Variants in SYT2 observed in about 807,000 individuals in gnomAD.
SYT2 encodes the protein synaptotagmin 2, also known as synaptotagmin-2.
In SYT2, 15 loss-of-function variants were observed where a neutral mutation model predicts 39.9. The observed-to-expected ratio is 0.38, with a 90% CI of 0.25 to 0.58. The LOEUF is 0.58. SYT2 is among the 20% of genes least tolerant of loss of function. The pLI is 0.70. For missense variants in SYT2, 389 were observed against 530.3 expected (o/e 0.73, Z 2.62); for synonymous variants, 181 against 204.5 (o/e 0.89, Z 0.98).
At chr1:202,640,801 A>G (rs1691895579) in intron 1 of SYT2, among the ~76,000 whole-genome samples, 3 of 149,854 alleles carry the variant, frequency 2.0e-5, no homozygotes, top group Non-Finnish European at 4.4e-5. Context: ...AGACAGACAG[A>G]CAGAGAGACA....
rs1268234532 is a variant in SYT2, at chr1:202,599,197, A to G, written c.1053+21T>C. On this transcript the variant is annotated intron_variant, in intron 8 of 8. Transcript: ENST00000367268. This position sits in a 1 kb window ranked among gnomAD's most constrained non-coding sequence, Gnocchi z 4.4. ...CCTCCCCAAACCCTGCTCCATGCCT[A>G]GGAACCCAGGGCTCCAGCACCTGAA... 1 of 1,611,906 alleles carries G rather than the reference A, an allele frequency of 6.2e-7. No individual in the cohort carries two copies. Among genetic ancestry groups the G allele is most frequent in the African/African-American group, 1.3e-5 (1 of 74,774 alleles).
At chr1:202,657,343 C>T (rs183447448) in intron 1 of SYT2, among the ~76,000 whole-genome samples, 1 of 152,218 alleles carries the variant, frequency 6.6e-6, no homozygotes, top group African/African-American at 2.4e-5. Flanking sequence ...CCAAAGTGGG[C>T]CTCTTTCTCC....
At chr1:202,670,875 T>C (rs745674339) in intron 1 of SYT2, among the ~76,000 whole-genome samples, 2 of 152,238 alleles carry the variant, frequency 1.3e-5, no homozygotes, top group African/African-American at 2.4e-5. Flanking sequence ...GTATCATTGA[T>C]AAAACAAGGA....
At chr1:202,637,676 A>G (rs1257115232) in intron 1 of SYT2, among the ~76,000 whole-genome samples, 2 of 152,266 alleles carry the variant, frequency 1.3e-5, no homozygotes, top group Admixed American at 6.5e-5. Context: ...TAGGTGCTGC[A>G]GTATCTCTCC....
intron 7 of SYT2, among the ~76,000 whole-genome samples, chr1:202,600,079 T>C (rs1690445184): frequency 6.6e-6 from 1 of 152,224 alleles, no homozygotes; most frequent in East Asian, 1.9e-4. Context: ...AGTAAAATCC[T>C]AAGTCACAAA....
At chr1:202,634,175 A>C (rs1325843188) in intron 1 of SYT2, among the ~76,000 whole-genome samples, 2 of 152,278 alleles carry the variant, frequency 1.3e-5, no homozygotes, top group Non-Finnish European at 2.9e-5. Flanking sequence ...GAGACTATCC[A>C]TATGAAATAC....
At chr1:202,690,614 CACA>C (rs1653795938) in intron 1 of SYT2, among the ~76,000 whole-genome samples, 1 of 152,196 alleles carries the variant, frequency 6.6e-6, no homozygotes, top group Non-Finnish European at 1.5e-5. Context: ...ACAAGGTGGT[CACA>C]TCTCCTGCGG....
chr1:202,705,958 G>C (rs769028818), intron 1 of SYT2, among the ~76,000 whole-genome samples: 1 of 152,038 alleles, frequency 6.6e-6, no homozygotes, highest in Non-Finnish European at 1.5e-5. Flanking sequence ...CTCCCAAAGC[G>C]CTGGGATTAC....
chr1:202,659,689 G>A (rs1692343477), intron 1 of SYT2, among the ~76,000 whole-genome samples: 1 of 152,200 alleles, frequency 6.6e-6, no homozygotes, highest in Admixed American at 6.5e-5. Context: ...TGGAGGGGCT[G>A]CGAGAGCCCC....
chr1:202,626,965 C>A (rs1038758421), intron 1 of SYT2, among the ~76,000 whole-genome samples: 5 of 152,198 alleles, frequency 3.3e-5, no homozygotes, highest in Non-Finnish European at 5.9e-5. Flanking sequence ...CATTTCCTTT[C>A]CTCAGTTCTC....
intron 1 of SYT2, among the ~76,000 whole-genome samples, chr1:202,689,222 CT>C (rs1653757941): frequency 6.6e-6 from 1 of 152,160 alleles, no homozygotes; most frequent in Non-Finnish European, 1.5e-5. Flanking sequence ...GCACATACCC[CT>C]GAGCATACAT....
Position 202,594,306 on chromosome 1 carries a change from C to G in SYT2, c.*2451G>C, listed in dbSNP as rs189323223. The G allele has an allele frequency of 6.6e-6, 1 of 152,336 alleles. No individual in the cohort carries two copies. The highest frequency in any genetic ancestry group is 6.5e-5 in the Admixed American group (1 of 15,308). 9.4% of individuals were successfully genotyped at this position (152,336 alleles called of 1,614,324 possible). A position where few individuals can be genotyped will look rare whatever the true frequency, so the allele number is the denominator to read the frequency against. ...AGAGGTTCCTACCATTGCCTTTCCT[C>G]CCTGTCAAGGGAATGCAAATCTTGG... On this transcript the variant is annotated 3_prime_UTR_variant, in exon 9 of 9. Transcript: ENST00000367268.
At chr1:202,633,806 G>A (rs1209791156) in intron 1 of SYT2, among the ~76,000 whole-genome samples, 1 of 152,202 alleles carries the variant, frequency 6.6e-6, no homozygotes, top group Non-Finnish European at 1.5e-5. Flanking sequence ...GAAGCTTTAT[G>A]TATTGGGGAA....
intron 1 of SYT2, among the ~76,000 whole-genome samples, chr1:202,679,416 G>T (rs764597812): frequency 1.3e-5 from 2 of 152,100 alleles, no homozygotes; most frequent in Non-Finnish European, 2.9e-5. Flanking sequence ...GCCCAGTCTT[G>T]CTCCTATATT....
chr1:202,625,355 A>G (rs1338414238), intron 1 of SYT2, among the ~76,000 whole-genome samples: 1 of 83,788 alleles, frequency 1.2e-5, no homozygotes, highest in African/African-American at 4.8e-5. Flanking sequence ...TGTGTGTGTG[A>G]TGTTTGTGGT....
intron 1 of SYT2, among the ~76,000 whole-genome samples, chr1:202,624,755 GGTGT>G (rs781683105): frequency 3.4e-5 from 3 of 88,772 alleles, no homozygotes; most frequent in East Asian, 7.2e-4. Context: ...TAGGGTGTGT[GGTGT>G]GTGTGTGGTG....
In SYT2 at chr1:202,596,839, G is replaced by A; in HGVS notation, c.1178C>T (p.Ala393Val). 6.2e-7 allele frequency: 1 copy of A among 1,614,136 alleles called. No homozygotes were observed. The highest frequency in any genetic ancestry group is 1.7e-5 in the Admixed American group (1 of 60,018). Reference protein sequence around the residue: ...TELRHWSDMLANPRRPIAQWH... With the variant: ...TELRHWSDMLVNPRRPIAQWH... ...CTGGGCGATGGGCCTCCGGGGGTTG[G>A]CCAGCATGTCGGACCAGTGCCGCAG... Residue 393 changes from alanine (A) to valine (V), a missense_variant, in exon 9 of 9, where the codon GCC becomes GTC. Ala to Val is a moderately conservative substitution (Grantham distance 64). Transcript: ENST00000367268.
chr1:202,684,349 T>C (rs1467743072), intron 1 of SYT2, among the ~76,000 whole-genome samples: 1 of 151,980 alleles, frequency 6.6e-6, no homozygotes, highest in Non-Finnish European at 1.5e-5. Flanking sequence ...TATTCAGCTT[T>C]TTTTTTTTCA....
chr1:202,688,420 C>A (rs1161054162), intron 1 of SYT2, among the ~76,000 whole-genome samples: 2 of 152,230 alleles, frequency 1.3e-5, no homozygotes, highest in African/African-American at 4.8e-5. Context: ...CTGCATAAGG[C>A]AGGGGACAGC....
Sources: allele counts gnomAD v4.1 joint callset (sites outside exome capture counted in the v4.1 genomes callset), GRCh38; gene constraint gnomAD v4.1.1; non-coding constraint Gnocchi (gnomAD v3.1); transcripts MANE v1.5; gene names NCBI Gene and HGNC (gene_info 2026-07-23, HGNC 2026-07-21).